The following TMEM121B variants were observed in gnomAD, a reference collection of about 807,000 sequenced individuals.
The protein encoded by TMEM121B is transmembrane protein 121B.
In TMEM121B, 14 loss-of-function variants were observed where a neutral mutation model predicts 25.1. The ratio of observed to expected loss-of-function variants is 0.56; its 90% CI spans 0.37 to 0.87. The LOEUF is 0.87. Among genes scored for constraint, TMEM121B ranks in the 40% least tolerant of loss-of-function variants. TMEM121B has a pLI of 0.00. For missense variants in TMEM121B, 850 were observed against 854.6 expected (o/e 0.99, Z 0.07); for synonymous variants, 458 against 420.9 (o/e 1.09, Z -1.08).
At position 17,119,441 on chromosome 22, in the gene TMEM121B, C is replaced by G; in HGVS notation, c.1687G>C (p.Gly563Arg). The change falls in exon 1 of 1, where the codon GGG becomes CGG. Residue 563 changes from glycine (G) to arginine (R), a missense_variant. By Grantham distance (125) the Gly-to-Arg change is moderately radical. Transcript: ENST00000331437. ...QLGHCISENE[G>R]GAHGYVNTLA... ...GTGTTGACATAGCCATGAGCACCCC[C>G]CTCGTTCTCCGAGATGCAGTGGCCC... is the stretch of plus-strand genomic sequence containing the variant. 1.9e-6 allele frequency: 3 copies of G among 1,608,892 alleles called. No individual in the cohort carries two copies. Among genetic ancestry groups the G allele is most frequent in the Non-Finnish European group, 2.5e-6 (3 of 1,177,730 alleles).
At position 17,119,821 on chromosome 22, in the gene TMEM121B, A is replaced by T; in HGVS notation, c.1307T>A (p.Leu436His). 6.3e-7 allele frequency: 1 copy of T among 1,588,154 alleles called. No homozygotes were observed. The highest frequency in any genetic ancestry group is 8.5e-7 in the Non-Finnish European group (1 of 1,175,188). Reference sequence around the variant, plus strand: ...GTAGAGCCAGAGCACCGGCGAGGCGAGGGTGAGGAAGTAGACGGCGATAAG... The same window carrying T: ...GTAGAGCCAGAGCACCGGCGAGGCGTGGGTGAGGAAGTAGACGGCGATAAG... ...YLLIAVYFLTLASPVLWLYEL... is the reference protein window; with the variant it reads ...YLLIAVYFLTHASPVLWLYEL... Residue 436 changes from leucine (L) to histidine (H), a missense_variant, in exon 1 of 1, where the codon CTC becomes CAC. Leu to His is a moderately conservative substitution (Grantham distance 99). Coordinates refer to ENST00000331437, the MANE Select transcript of TMEM121B (RefSeq NM_031890.4).
In TMEM121B at chr22:17,119,220, G is replaced by A; in HGVS notation, c.*171C>T. 2.2e-6 allele frequency: 2 copies of A among 910,478 alleles called. No homozygotes were observed. The highest frequency in any genetic ancestry group is 3.2e-6 in the Non-Finnish European group (2 of 616,908). 56.4% of individuals were successfully genotyped at this position (910,478 alleles called of 1,614,324 possible). A position where few individuals can be genotyped will look rare whatever the true frequency, so the allele number is the denominator to read the frequency against. Reference sequence around the variant, plus strand: ...CTACCTCCCTCACCGTTAACTGCTGGTCTCCCTCCAAGCCGTCCTCACCCC... The same window carrying A: ...CTACCTCCCTCACCGTTAACTGCTGATCTCCCTCCAAGCCGTCCTCACCCC... On this transcript the variant is annotated 3_prime_UTR_variant, in exon 1 of 1. Transcript: ENST00000331437.
chr22:17,116,724 A>G lies in TMEM121B; in HGVS notation c.*2667T>C, dbSNP rs2061471632. On this transcript the variant is annotated 3_prime_UTR_variant, in exon 1 of 1. Transcript: ENST00000331437. ...AGGGATGCCCTAGAAAGCAAGGGCA[A>G]AGGAAGCTTTAGGGGTCATCGTGAC... The G allele has an allele frequency of 6.6e-6, 1 of 152,346 alleles. No homozygotes were observed. The highest frequency in any genetic ancestry group is 2.4e-5 in the African/African-American group (1 of 41,470). The allele number at this position is 152,346 out of a possible 1,614,324, so 9.4% of individuals were successfully genotyped here. A position where few individuals can be genotyped will look rare whatever the true frequency, so the allele number is the denominator to read the frequency against.
At position 17,118,240 on chromosome 22, in the gene TMEM121B, AGGTCACCACC is replaced by A. The variant is rs2061478795; in HGVS notation, c.*1141_*1150del. 1 of 151,182 alleles carries A rather than the reference AGGTCACCACC, an allele frequency of 6.6e-6. No homozygotes were observed. Among genetic ancestry groups the A allele is most frequent in the African/African-American group, 2.4e-5 (1 of 41,048 alleles). The allele number at this position is 151,182 out of a possible 1,614,324, so 9.4% of individuals were successfully genotyped here. On this transcript the variant is annotated 3_prime_UTR_variant, in exon 1 of 1. Coordinates refer to ENST00000331437, the MANE Select transcript of TMEM121B (RefSeq NM_031890.4). Reference sequence around the variant, plus strand: ...GACTCTTAACCAGACCAGAGGTGGGAGGTCACCACCTCACTTTCTGATCTACACTTCCTAG... The same window carrying A: ...GACTCTTAACCAGACCAGAGGTGGGATCACTTTCTGATCTACACTTCCTAG...
Position 17,120,976 on chromosome 22 carries a change from C to T in TMEM121B, c.152G>A (p.Ser51Asn). Reference protein sequence around the residue: ...RGSGDSSTSTSTSRGGGGGRR... With the variant: ...RGSGDSSTSTNTSRGGGGGRR... ...GCCGCCGCCTCCCCCGCGGCTGGTG[C>T]TGGTGCTGGTGCTGCTGTCGCCGGA... Residue 51 changes from serine (S) to asparagine (N), a missense_variant, in exon 1 of 1, where the codon AGC becomes AAC. Physicochemically the swap from Ser to Asn is conservative, Grantham distance 46. Transcript: ENST00000331437. 6.9e-7 allele frequency: 1 copy of T among 1,455,940 alleles called. No homozygotes were observed. The highest frequency in any genetic ancestry group is 1.3e-5 in the South Asian group (1 of 76,378). The allele number at this position is 1,455,940 out of a possible 1,614,324, so 90.2% of individuals were successfully genotyped here.
At position 17,121,082 on chromosome 22, in the gene TMEM121B, C is replaced by A. The variant is rs1354399143; in HGVS notation, c.46G>T (p.Gly16Cys). Residue 16 changes from glycine to cysteine, a missense_variant, in exon 1 of 1, where the codon GGT (glycine) becomes TGT (cysteine). Coordinates refer to ENST00000331437, the MANE Select transcript of TMEM121B (RefSeq NM_031890.4). ...GCTGCCGGGGGCGGCGGGAAGGAACCGGACGCGGAGGAGACCGAGCGAGGG... is the reference window on the plus strand; with the variant it reads ...GCTGCCGGGGGCGGCGGGAAGGAACAGGACGCGGAGGAGACCGAGCGAGGG... ...GHPRSVSSAS[G>C]SFPPPPAAAR... 3 of 1,446,094 alleles carry A rather than the reference C, an allele frequency of 2.1e-6. No individual in the cohort carries two copies. The highest frequency in any genetic ancestry group is 3.0e-5 in the East Asian group (1 of 33,498). The allele number at this position is 1,446,094 out of a possible 1,614,324, so 89.6% of individuals were successfully genotyped here. A position where few individuals can be genotyped will look rare whatever the true frequency, so the allele number is the denominator to read the frequency against.
rs772238977 is a variant in TMEM121B at position 17,119,548 on chromosome 22, G to C, written c.1580C>G (p.Pro527Arg). The C allele has an allele frequency of 1.0e-5, 16 of 1,553,870 alleles. No homozygotes were observed. The South Asian group carries it at 1.1e-4, about 10-fold the overall frequency. The change falls in exon 1 of 1, where the codon CCG becomes CGG. Residue 527 changes from proline to arginine, a missense_variant. Transcript: ENST00000331437. ...ACCGTAGCCCCCTCTGGCCCGACTC[G>C]GGGAGGCCCGATTGCCCCGGTCCCA... is the stretch of plus-strand genomic sequence containing the variant. ...GCWDRGNRAS[P>R]SRARGGYGAP...
chr22:17,119,254 G>T lies in TMEM121B; in HGVS notation c.*137C>A, dbSNP rs376238640. Reference sequence around the variant, plus strand: ...CAAGCCGTCCTCACCCCAGGGTGCAGAAGAACACCCTGGCCCTTAGCCCTG... The same window carrying T: ...CAAGCCGTCCTCACCCCAGGGTGCATAAGAACACCCTGGCCCTTAGCCCTG... On this transcript the variant is annotated 3_prime_UTR_variant, in exon 1 of 1. Coordinates refer to ENST00000331437, the MANE Select transcript of TMEM121B (RefSeq NM_031890.4). 39 of 1,351,652 alleles carry T rather than the reference G, an allele frequency of 2.9e-5. No homozygotes were observed. The East Asian group carries it at 4.3e-4, about 15-fold the overall frequency. 83.7% of individuals were successfully genotyped at this position (1,351,652 alleles called of 1,614,324 possible). A position where few individuals can be genotyped will look rare whatever the true frequency, so the allele number is the denominator to read the frequency against.
chr22:17,120,151 G>C lies in TMEM121B; in HGVS notation c.977C>G (p.Thr326Ser), dbSNP rs1601359986. 3 of 1,609,932 alleles carry C rather than the reference G, an allele frequency of 1.9e-6. No individual in the cohort carries two copies. In the Admixed American group the frequency reaches 5.0e-5, roughly 27 times the overall value. Residue 326 changes from threonine to serine, a missense_variant, in exon 1 of 1, where the codon ACT (threonine) becomes AGT (serine). Coordinates refer to ENST00000331437, the MANE Select transcript of TMEM121B (RefSeq NM_031890.4). ...LAWLIYSIAFTPKVVLILGTS... is the reference protein window; with the variant it reads ...LAWLIYSIAFSPKVVLILGTS... ...GCCCAGGATCAGCACCACCTTGGGA[G>C]TGAAGGCGATGGAGTAGATAAGCCA...
At position 17,119,546 on chromosome 22, in the gene TMEM121B, T is replaced by C; in HGVS notation, c.1582A>G (p.Ser528Gly). ...CWDRGNRASP[S>G]RARGGYGAPP... The stretch of plus-strand genomic sequence containing the variant: ...GCACCGTAGCCCCCTCTGGCCCGAC[T>C]CGGGGAGGCCCGATTGCCCCGGTCC... The change falls in exon 1 of 1, where the codon AGT becomes GGT. Residue 528 changes from serine (S) to glycine (G), a missense_variant. Physicochemically the swap from Ser to Gly is moderately conservative, Grantham distance 56. Transcript: ENST00000331437. 2 of 1,553,908 alleles carry C rather than the reference T, an allele frequency of 1.3e-6. No homozygotes were observed. The highest frequency in any genetic ancestry group is 1.2e-5 in the South Asian group (1 of 84,636).
chr22:17,120,348 C>G lies in TMEM121B; in HGVS notation c.780G>C (p.Ala260=). 1 of 1,530,906 alleles carries G rather than the reference C, an allele frequency of 6.5e-7. No homozygotes were observed. The highest frequency in any genetic ancestry group is 1.8e-4 in the Middle Eastern group (1 of 5,698). The allele number at this position is 1,530,906 out of a possible 1,614,324, so 94.8% of individuals were successfully genotyped here. Residue 260 remains alanine, a synonymous_variant, in exon 1 of 1, where the codon GCG becomes GCC. Coordinates refer to ENST00000331437, the MANE Select transcript of TMEM121B (RefSeq NM_031890.4). ...GGTGGTGGTGCAGGTGGTGGTTGTG[C>G]GCGCCGCTGGCTGCGCCGCCCCGAC... The part of the protein sequence containing the change: ...RGRRGGAASG[A]HNHHLHHHHA...
In TMEM121B at chr22:17,119,948, C is replaced by T. The variant is rs756304254; in HGVS notation, c.1180G>A (p.Gly394Arg). The change falls in exon 1 of 1, where the codon GGA becomes AGA. Residue 394 changes from glycine (G) to arginine (R), a missense_variant. Transcript: ENST00000331437. ...TCCAAGCACGTGCCCAGGAAGCATC[C>T]GGCCGCGCGGTGCCGCTGGGGCTGC... ...LLQPQRHRAAGCFLGTCLDLL... is the reference protein window; with the variant it reads ...LLQPQRHRAARCFLGTCLDLL... 6.4e-6 allele frequency: 10 copies of T among 1,573,646 alleles called. No homozygotes were observed. The highest frequency in any genetic ancestry group is 1.1e-5 in the South Asian group (1 of 88,528).
Position 17,120,278 on chromosome 22 carries a change from C to T in TMEM121B, c.850G>A (p.Ala284Thr). The T allele has an allele frequency of 6.2e-6, 8 of 1,292,156 alleles. No individual in the cohort carries two copies. Among genetic ancestry groups the T allele is most frequent in the Non-Finnish European group, 6.8e-6 (7 of 1,023,594 alleles). The allele number at this position is 1,292,156 out of a possible 1,614,324, so 80.0% of individuals were successfully genotyped here. Residue 284 changes from alanine to threonine, a missense_variant, in exon 1 of 1, where the codon GCT (alanine) becomes ACT (threonine). Coordinates refer to ENST00000331437, the MANE Select transcript of TMEM121B (RefSeq NM_031890.4). Reference protein sequence around the residue: ...LHLPAPSAATAGAKARGARGG... With the variant: ...LHLPAPSAATTGAKARGARGG... ...CGGGCTCCGCGTGCCTTGGCCCCAG[C>T]GGTAGCGGCCGAGGGGGCGGGCAGA...
Position 17,121,031 on chromosome 22 carries a change from G to T in TMEM121B, c.97C>A (p.Arg33Ser). 6.8e-7 allele frequency: 1 copy of T among 1,468,242 alleles called. No homozygotes were observed. The highest frequency in any genetic ancestry group is 9.0e-7 in the Non-Finnish European group (1 of 1,111,984). 91.0% of individuals were successfully genotyped at this position (1,468,242 alleles called of 1,614,324 possible). A position where few individuals can be genotyped will look rare whatever the true frequency, so the allele number is the denominator to read the frequency against. The change falls in exon 1 of 1, where the codon CGC becomes AGC. Residue 33 changes from arginine (R) to serine (S), a missense_variant. Coordinates refer to ENST00000331437, the MANE Select transcript of TMEM121B (RefSeq NM_031890.4). ...AAARLQPLFLRGGSFRGRRGS... is the reference protein window; with the variant it reads ...AAARLQPLFLSGGSFRGRRGS... The stretch of plus-strand genomic sequence containing the variant: ...CTCCGGCCGCGGAAGGAGCCCCCGC[G>T]GAGGAAGAGGGGCTGCAGCCGGGCG...
In TMEM121B at chr22:17,120,787, G is replaced by A. The variant is rs915085990; in HGVS notation, c.341C>T (p.Ser114Phe). Residue 114 changes from serine to phenylalanine, a missense_variant, in exon 1 of 1, where the codon TCC becomes TTC. Transcript: ENST00000331437. ...APAGPAPVAF[S>F]SSAATSSSTS... ...GGAGGAGGAGGTGGCCGCTGAGGAGGAGAAGGCGACAGGCGCGGGGCCGGC... is the reference window on the plus strand; with the variant it reads ...GGAGGAGGAGGTGGCCGCTGAGGAGAAGAAGGCGACAGGCGCGGGGCCGGC... 2 of 1,236,554 alleles carry A rather than the reference G, an allele frequency of 1.6e-6. No homozygotes were observed. Among genetic ancestry groups the A allele is most frequent in the African/African-American group, 1.6e-5 (1 of 63,824 alleles). 76.6% of individuals were successfully genotyped at this position (1,236,554 alleles called of 1,614,324 possible). A position where few individuals can be genotyped will look rare whatever the true frequency, so the allele number is the denominator to read the frequency against.
At position 17,120,529 on chromosome 22, in the gene TMEM121B, T is replaced by C. The variant is rs757982369; in HGVS notation, c.599A>G (p.Tyr200Cys). The C allele has an allele frequency of 1.3e-6, 2 of 1,559,176 alleles. No homozygotes were observed. The highest frequency in any genetic ancestry group is 8.6e-7 in the Non-Finnish European group (1 of 1,158,668). ...CAGCAGCACCACGGACAGCGCCTGG[T>C]AGCCCCAGCGGCACCTGGGACTGGG... is the stretch of plus-strand genomic sequence containing the variant. ...CAPSPRCRWGYQALSVVLLLA... is the reference protein window; with the variant it reads ...CAPSPRCRWGCQALSVVLLLA... Residue 200 changes from tyrosine (Y) to cysteine (C), a missense_variant, in exon 1 of 1, where the codon TAC (tyrosine) becomes TGC (cysteine). Transcript: ENST00000331437.
chr22:17,121,167 C>A lies in TMEM121B; in HGVS notation c.-40G>T. On this transcript the variant is annotated 5_prime_UTR_variant, in exon 1 of 1. Coordinates refer to ENST00000331437, the MANE Select transcript of TMEM121B (RefSeq NM_031890.4). The stretch of plus-strand genomic sequence containing the variant: ...CTCTGGGGCCGCCCAGCTGTTCCCT[C>A]CCCGCCAACCCCGGGCGGGCGAGGC... The A allele has an allele frequency of 7.9e-7, 1 of 1,263,392 alleles. No homozygotes were observed. The highest frequency in any genetic ancestry group is 3.2e-5 in the East Asian group (1 of 31,002). 78.3% of individuals were successfully genotyped at this position (1,263,392 alleles called of 1,614,324 possible). A position where few individuals can be genotyped will look rare whatever the true frequency, so the allele number is the denominator to read the frequency against.
At position 17,119,546 on chromosome 22, in the gene TMEM121B, T is replaced by G; in HGVS notation, c.1582A>C (p.Ser528Arg). The change falls in exon 1 of 1, where the codon AGT (serine) becomes CGT (arginine). Residue 528 changes from serine to arginine, a missense_variant. By Grantham distance (110) the Ser-to-Arg change is moderately radical (BLOSUM62 -1). Transcript: ENST00000331437. Reference protein sequence around the residue: ...CWDRGNRASPSRARGGYGAPP... With the variant: ...CWDRGNRASPRRARGGYGAPP... ...GCACCGTAGCCCCCTCTGGCCCGAC[T>G]CGGGGAGGCCCGATTGCCCCGGTCC... 6.4e-7 allele frequency: 1 copy of G among 1,553,908 alleles called. No homozygotes were observed. Among genetic ancestry groups the G allele is most frequent in the Non-Finnish European group, 8.7e-7 (1 of 1,150,926 alleles).
In TMEM121B at chr22:17,121,023, G is replaced by A. The variant is rs997842761; in HGVS notation, c.105C>T (p.Gly35=). 1.2e-5 allele frequency: 17 copies of A among 1,469,372 alleles called. No homozygotes were observed. The Admixed American group carries it at 3.4e-4, about 29-fold the overall frequency. 91.0% of individuals were successfully genotyped at this position (1,469,372 alleles called of 1,614,324 possible). The change falls in exon 1 of 1, where the codon GGC becomes GGT. Residue 35 remains glycine, a synonymous_variant. Coordinates refer to ENST00000331437, the MANE Select transcript of TMEM121B (RefSeq NM_031890.4). ...ARLQPLFLRG[G]SFRGRRGSGD... ...CGGAGCCTCTCCGGCCGCGGAAGGAGCCCCCGCGGAGGAAGAGGGGCTGCA... is the reference window on the plus strand; with the variant it reads ...CGGAGCCTCTCCGGCCGCGGAAGGAACCCCCGCGGAGGAAGAGGGGCTGCA...
Sources: allele counts gnomAD v4.1 joint callset, GRCh38; gene constraint gnomAD v4.1.1; transcripts MANE v1.5; gene names NCBI Gene and HGNC (gene_info 2026-07-23, HGNC 2026-07-21).